The following UBE2E3 variants were observed in gnomAD, a reference collection of about 807,000 sequenced individuals.
UBE2E3 encodes the protein ubiquitin conjugating enzyme E2 E3.
Under a neutral mutation model 23.6 loss-of-function variants are expected in UBE2E3, and 5 were observed. That is an observed-to-expected ratio of 0.21 (90% CI 0.11 to 0.44). The LOEUF (loss-of-function observed/expected upper bound fraction) is 0.44, where lower values mean the gene tolerates loss of function less well. Among genes scored for constraint, UBE2E3 ranks in the 20% least tolerant of loss-of-function variants. The pLI is 0.99. For synonymous variants in UBE2E3, 78 were observed against 87.5 expected (o/e 0.89, Z 0.60); for missense variants, 81 against 249.8 (o/e 0.32, Z 4.55).
chr2:180,981,339 T>C (rs1273259985), intron 1 of UBE2E3: 3 of 152,206 alleles, frequency 2.0e-5, no homozygotes, highest in Non-Finnish European at 4.4e-5. Context: ...GTCCGTGATA[T>C]AAAAATTGAG....
chr2:181,021,554 CCCTTCCTT>C (rs749212211), intron 3 of UBE2E3, among the ~76,000 whole-genome samples: 7 of 47,226 alleles, frequency 1.5e-4, no homozygotes, highest in Admixed American at 4.9e-4. Context: ...TAAATATACT[CCCTTCCTT>C]CCTTCCTTCC....
intron 4 of UBE2E3, among the ~76,000 whole-genome samples, chr2:181,059,430 AG>A (rs1409647005): frequency 1.3e-5 from 2 of 151,762 alleles, no homozygotes; most frequent in Admixed American, 6.6e-5. Context: ...TATATTCTAG[AG>A]CAGCATTAAT....
intron 3 of UBE2E3, among the ~76,000 whole-genome samples, chr2:181,007,163 A>G (rs1385235556): frequency 2.6e-5 from 4 of 152,130 alleles, no homozygotes; most frequent in Admixed American, 6.5e-5. Context: ...TTTCATAACT[A>G]TGGGATTACA....
chr2:180,990,550 G>A (rs753534670), intron 3 of UBE2E3, among the ~76,000 whole-genome samples: 2 of 152,092 alleles, frequency 1.3e-5, no homozygotes, highest in African/African-American at 4.8e-5. Context: ...TTTGTCATAC[G>A]TGTGTGTTAT....
chr2:181,051,306 C>T (rs1574221578), intron 3 of UBE2E3, among the ~76,000 whole-genome samples: 1 of 151,626 alleles, frequency 6.6e-6, no homozygotes, highest in African/African-American at 2.4e-5. Context: ...TTATCTATTT[C>T]CTTATTGGTA....
intron 3 of UBE2E3, among the ~76,000 whole-genome samples, chr2:180,994,937 T>A (rs4343437): frequency 0.97 from 148,152 of 152,272 alleles, 72,218 homozygotes; most frequent in Middle Eastern, 1. Flanking sequence ...AGAGAATCGT[T>A]AATGTAAATA....
chr2:181,010,360 A>T (rs942389661), intron 3 of UBE2E3, among the ~76,000 whole-genome samples: 1 of 152,010 alleles, frequency 6.6e-6, no homozygotes, highest in Non-Finnish European at 1.5e-5. Flanking sequence ...TTTGGGAAGG[A>T]TTATTTTTTT....
chr2:180,999,698 C>T (rs1027547953), intron 3 of UBE2E3, among the ~76,000 whole-genome samples: 1 of 152,164 alleles, frequency 6.6e-6, no homozygotes, highest in Middle Eastern at 3.4e-3. Flanking sequence ...CAAGGACATC[C>T]ACATGACTCA....
At chr2:181,057,422 A>G (rs1687019464) in intron 3 of UBE2E3, among the ~76,000 whole-genome samples, 1 of 151,724 alleles carries the variant, frequency 6.6e-6, no homozygotes, top group South Asian at 2.1e-4. Flanking sequence ...AGAGGAGCAA[A>G]TGGGGCAGAG....
chr2:180,989,153 G>C (rs1189130741), intron 3 of UBE2E3, among the ~76,000 whole-genome samples: 1 of 152,012 alleles, frequency 6.6e-6, no homozygotes, highest in African/African-American at 2.4e-5. Context: ...AATTTTAAAT[G>C]GTTTATGATC....
intron 3 of UBE2E3, among the ~76,000 whole-genome samples, chr2:181,054,832 A>G (rs1686943350): frequency 6.6e-6 from 1 of 151,798 alleles, no homozygotes; most frequent in African/African-American, 2.4e-5. Flanking sequence ...GAAGAGTGTA[A>G]GGTCTTAGCT....
At chr2:181,004,065 T>A (rs1390762233) in intron 3 of UBE2E3, among the ~76,000 whole-genome samples, 1 of 152,124 alleles carries the variant, frequency 6.6e-6, no homozygotes, top group Non-Finnish European at 1.5e-5. Context: ...TGTGGGAAGG[T>A]CTTGGAGAGG....
chr2:181,040,082 C>T (rs967470373), intron 3 of UBE2E3, among the ~76,000 whole-genome samples: 2 of 152,128 alleles, frequency 1.3e-5, no homozygotes, highest in African/African-American at 2.4e-5. Flanking sequence ...ATATCTGTAG[C>T]TAATAATTAT....
At chr2:181,036,339 G>T (rs1006825744) in intron 3 of UBE2E3, among the ~76,000 whole-genome samples, 1 of 152,038 alleles carries the variant, frequency 6.6e-6, no homozygotes, top group Non-Finnish European at 1.5e-5. Context: ...TAAAGTGTTA[G>T]AATAACTGAG....
chr2:181,029,155 C>T (rs1685991328), intron 3 of UBE2E3, among the ~76,000 whole-genome samples: 1 of 151,910 alleles, frequency 6.6e-6, no homozygotes, highest in African/African-American at 2.4e-5. Context: ...GTGTTGGGCT[C>T]TTCCATTCTA....
Position 180,982,011 on chromosome 2 carries a change from TTAA to T in UBE2E3, c.-25-6_-25-4del, listed in dbSNP as rs1237122463. On this transcript the variant is annotated splice_region_variant and splice_polypyrimidine_tract_variant and intron_variant, in intron 1 of 5. Transcript: ENST00000410062. ...TTCTCCTCCTCCTCCCCTGTTCTCTTTAAAAGTTTTCCAAGAGATAACTTCACC... is the reference window on the plus strand; with the variant it reads ...TTCTCCTCCTCCTCCCCTGTTCTCTTAAGTTTTCCAAGAGATAACTTCACC... 6.3e-7 allele frequency: 1 copy of T among 1,587,530 alleles called. No individual in the cohort carries two copies. Among genetic ancestry groups the T allele is most frequent in the Non-Finnish European group, 8.6e-7 (1 of 1,169,198 alleles).
intron 3 of UBE2E3, among the ~76,000 whole-genome samples, chr2:181,016,766 A>G (rs1685503458): frequency 6.6e-6 from 1 of 152,236 alleles, no homozygotes; most frequent in South Asian, 2.1e-4. Context: ...TTTTACTTAA[A>G]TATATTTCAG....
chr2:181,036,499 C>T (rs181818805), intron 3 of UBE2E3, among the ~76,000 whole-genome samples: 4 of 152,278 alleles, frequency 2.6e-5, no homozygotes, highest in East Asian at 3.9e-4. Context: ...GGGCTTTCTC[C>T]GTGTATTCTG....
intron 3 of UBE2E3, among the ~76,000 whole-genome samples, chr2:180,985,065 T>C (rs1408559638): frequency 6.6e-6 from 1 of 152,150 alleles, no homozygotes; most frequent in East Asian, 1.9e-4. Context: ...GTCTCTGAAG[T>C]CTGCTTGTGA....
Sources: allele counts gnomAD v4.1 joint callset (sites outside exome capture counted in the v4.1 genomes callset), GRCh38; gene constraint gnomAD v4.1.1; transcripts MANE v1.5; gene names NCBI Gene and HGNC (gene_info 2026-07-23, HGNC 2026-07-21).